Variants in EPHA8 observed in about 807,000 individuals in gnomAD.
EPHA8 encodes ephrin type-A receptor 8.
Under a neutral mutation model 103.6 loss-of-function variants are expected in EPHA8, and 58 were observed. That is an observed-to-expected ratio of 0.56 (90% CI 0.45 to 0.70). The LOEUF (loss-of-function observed/expected upper bound fraction) is 0.70, where lower values mean the gene tolerates loss of function less well. Among genes scored for constraint, EPHA8 ranks in the 30% least tolerant of loss-of-function variants. The probability of loss-of-function intolerance (pLI) is 0.00; values close to 1 mark genes in which losing one functional copy is unlikely to be tolerated. For synonymous variants in EPHA8, 559 were observed against 572.5 expected (o/e 0.98, Z 0.34); for missense variants, 1,304 against 1,395.2 (o/e 0.93, Z 1.04).
intron 2 of EPHA8, among the ~76,000 whole-genome samples, chr1:22,570,316 ACACATGCACACACG>A (rs1307877722): frequency 1.6e-5 from 2 of 121,336 alleles, no homozygotes; most frequent in African/African-American, 4.1e-5. Context: ...GTGCGTGTAC[ACACATGCACACACG>A]CACATGCACA....
chr1:22,595,221 C>G lies in EPHA8; in HGVS notation c.1604-9C>G, dbSNP rs900279301. The G allele has an allele frequency of 3.1e-6, 5 of 1,604,432 alleles. No individual in the cohort carries two copies. In the Middle Eastern group the frequency reaches 5.0e-4, roughly 160 times the overall value. Reference sequence around the variant, plus strand: ...AGCCTGGTCCCCCAACCCTGGCTTTCCCCTGCAGGGCCCCGCTATGACACC... The same window carrying G: ...AGCCTGGTCCCCCAACCCTGGCTTTGCCCTGCAGGGCCCCGCTATGACACC... On this transcript the variant is annotated splice_polypyrimidine_tract_variant and intron_variant, in intron 7 of 16. Transcript: ENST00000166244.
intron 13 of EPHA8, among the ~76,000 whole-genome samples, chr1:22,600,117 AGGAGG>A (rs1641672075): frequency 9.8e-6 from 1 of 101,870 alleles, no homozygotes; most frequent in African/African-American, 4.0e-5. Flanking sequence ...GGAGGAAGGA[AGGAGG>A]GAAGGAGAGA....
In EPHA8 at chr1:22,599,057, C is replaced by T. The variant is rs556407669; in HGVS notation, c.2388+10C>T. On this transcript the variant is annotated intron_variant, in intron 13 of 16. Coordinates refer to ENST00000166244, the MANE Select transcript of EPHA8 (RefSeq NM_020526.5). Reference sequence around the variant, plus strand: ...TGCCTACACCACCACGGTGCGTCGCCCACACTCCTTCCGGCTAGACTGGGG... The same window carrying T: ...TGCCTACACCACCACGGTGCGTCGCTCACACTCCTTCCGGCTAGACTGGGG... 23 of 1,589,436 alleles carry T rather than the reference C, an allele frequency of 1.4e-5. No individual in the cohort carries two copies. In the East Asian group the frequency reaches 2.3e-4, roughly 16 times the overall value.
chr1:22,584,926 C>A (rs1472869043), intron 3 of EPHA8, among the ~76,000 whole-genome samples: 2 of 152,112 alleles, frequency 1.3e-5, no homozygotes, highest in Admixed American at 1.3e-4. Flanking sequence ...GCCTCCCAGT[C>A]TAGAAGGAGA....
In EPHA8 at chr1:22,596,236, C is replaced by T. The variant is rs1641515246; in HGVS notation, c.1765+63C>T. ...GGCCACAGGGGGACCCAGTGCTGGA[C>T]TGGGGGTGGCACAGATGGGAAGGAG... On this transcript the variant is annotated intron_variant, in intron 9 of 16. Transcript: ENST00000166244. The T allele has an allele frequency of 2.0e-6, 3 of 1,519,620 alleles. No homozygotes were observed. The Admixed American group carries it at 5.1e-5, about 26-fold the overall frequency. 94.1% of individuals were successfully genotyped at this position (1,519,620 alleles called of 1,614,324 possible). A position where few individuals can be genotyped will look rare whatever the true frequency, so the allele number is the denominator to read the frequency against.
intron 3 of EPHA8, among the ~76,000 whole-genome samples, chr1:22,583,674 C>T (rs751091358): frequency 6.6e-6 from 1 of 152,262 alleles, no homozygotes; most frequent in Non-Finnish European, 1.5e-5. Flanking sequence ...TGCCATCTCC[C>T]TCTAAGGTGG....
chr1:22,591,570 C>T (rs923432486), intron 5 of EPHA8, among the ~76,000 whole-genome samples: 2 of 152,132 alleles, frequency 1.3e-5, no homozygotes, highest in African/African-American at 2.4e-5. Flanking sequence ...ACAAGCTGTC[C>T]TCAAAGCCCT....
In EPHA8 at chr1:22,602,094, T is replaced by C. The variant is rs1396849073; in HGVS notation, c.*353T>C. The C allele has an allele frequency of 1.2e-5, 5 of 407,206 alleles. No individual in the cohort carries two copies. The highest frequency in any genetic ancestry group is 1.8e-5 in the Non-Finnish European group (4 of 227,890). The allele number at this position is 407,206 out of a possible 1,614,324, so 25.2% of individuals were successfully genotyped here. On this transcript the variant is annotated 3_prime_UTR_variant, in exon 17 of 17. Transcript: ENST00000166244. The stretch of plus-strand genomic sequence containing the variant: ...GGGGTGTTCTCACAAGGTCATGGGA[T>C]CTCATGTGAACAGTGTGTGATCAAG...
chr1:22,599,028 A>C lies in EPHA8; in HGVS notation c.2369A>C (p.Asp790Ala). 1 of 1,607,790 alleles carries C rather than the reference A, an allele frequency of 6.2e-7. No homozygotes were observed. The highest frequency in any genetic ancestry group is 8.5e-7 in the Non-Finnish European group (1 of 1,177,772). Residue 790 changes from aspartate to alanine, a missense_variant, in exon 13 of 17, where the codon GAT (aspartate) becomes GCT (alanine). Asp to Ala is a moderately radical substitution (Grantham distance 126). Transcript: ENST00000166244. Reference sequence around the variant, plus strand: ...TCACGGGTGCTGGAGGACGACCCGGATGCTGCCTACACCACCACGGTGCGT... The same window carrying C: ...TCACGGGTGCTGGAGGACGACCCGGCTGCTGCCTACACCACCACGGTGCGT... Reference protein sequence around the residue: ...GLSRVLEDDPDAAYTTTGGKI... With the variant: ...GLSRVLEDDPAAAYTTTGGKI...
Position 22,602,663 on chromosome 1 carries a change from CCAA to C in EPHA8, c.*924_*926del, listed in dbSNP as rs1641772951. 1 of 152,994 alleles carries C rather than the reference CCAA, an allele frequency of 6.5e-6. No homozygotes were observed. The highest frequency in any genetic ancestry group is 1.5e-5 in the Non-Finnish European group (1 of 68,332). 9.5% of individuals were successfully genotyped at this position (152,994 alleles called of 1,614,324 possible). A position where few individuals can be genotyped will look rare whatever the true frequency, so the allele number is the denominator to read the frequency against. On this transcript the variant is annotated 3_prime_UTR_variant, in exon 17 of 17. Transcript: ENST00000166244. ...GGTCTCCTCACTCAAAGTCCCTTCGCCAACCTTTCAATGCCCAGCCCTGACACC... is the reference window on the plus strand; with the variant it reads ...GGTCTCCTCACTCAAAGTCCCTTCGCCCTTTCAATGCCCAGCCCTGACACC...
Position 22,598,238 on chromosome 1 carries a change from C to G in EPHA8, c.2178+26C>G. ...GTGCGTGTCCCACCCCTGCCTCTTG[C>G]ATGGGCTTGGGGAGGGAGGTCCAGT... On this transcript the variant is annotated intron_variant, in intron 12 of 16. Coordinates refer to ENST00000166244, the MANE Select transcript of EPHA8 (RefSeq NM_020526.5). This position sits in a 1 kb window ranked among gnomAD's most constrained non-coding sequence, Gnocchi z 5.1. 6.2e-7 allele frequency: 1 copy of G among 1,609,862 alleles called. No individual in the cohort carries two copies. Among genetic ancestry groups the G allele is most frequent in the Non-Finnish European group, 8.5e-7 (1 of 1,178,122 alleles).
rs544797559 is a variant in EPHA8, at chr1:22,601,036, G to A, written c.2677G>A (p.Asp893Asn). ...PRFSQIVSVL[D>N]ALIRSPESLR... ...CTTCTCCCAGATTGTCAGTGTCCTC[G>A]ATGCGCTCATCCGCAGCCCTGAGAG... The change falls in exon 15 of 17, where the codon GAT (aspartate) becomes AAT (asparagine). Residue 893 changes from aspartate (D) to asparagine (N), a missense_variant. Transcript: ENST00000166244. 10 of 1,612,598 alleles carry A rather than the reference G, an allele frequency of 6.2e-6. No homozygotes were observed. The highest frequency in any genetic ancestry group is 4.0e-5 in the African/African-American group (3 of 75,034).
At chr1:22,564,500 G>T (rs1369050560) in intron 1 of EPHA8, among the ~76,000 whole-genome samples, 1 of 152,018 alleles carries the variant, frequency 6.6e-6, no homozygotes, top group African/African-American at 2.4e-5. Context: ...AGTCTTGTCA[G>T]AGAAGGCTGG....
Position 22,567,359 on chromosome 1 carries a change from G to A in EPHA8, c.95-1930G>A, listed in dbSNP as rs182092687. Among the ~76,000 whole-genome samples, 6 of 152,314 alleles carry A rather than the reference G, an allele frequency of 3.9e-5. No homozygotes were observed. Among genetic ancestry groups the A allele is most frequent in the African/African-American group, 1.4e-4 (6 of 41,586 alleles). On this transcript the variant is annotated intron_variant, in intron 1 of 16. Coordinates refer to ENST00000166244, the MANE Select transcript of EPHA8 (RefSeq NM_020526.5). The surrounding 1 kb of genome is among the most constrained non-coding windows in gnomAD (Gnocchi z 4.2). Reference sequence around the variant, plus strand: ...CCCCTCCCCCTCCCACCAGCCAGCAGGAGGAGAGAGCTTGCCTGACCCAGT... The same window carrying A: ...CCCCTCCCCCTCCCACCAGCCAGCAAGAGGAGAGAGCTTGCCTGACCCAGT...
chr1:22,593,367 C>A lies in EPHA8; in HGVS notation c.1357C>A (p.Gln453Lys). ...GGTGATCCGTCAAGAGCGGGCGGGG[C>A]AGACCAGCGTCTCGCTGCTGTGGCA... ...VVVIRQERAG[Q>K]TSVSLLWQEP... The change falls in exon 6 of 17, where the codon CAG (glutamine) becomes AAG (lysine). Residue 453 changes from glutamine to lysine, a missense_variant. Coordinates refer to ENST00000166244, the MANE Select transcript of EPHA8 (RefSeq NM_020526.5). 1.3e-6 allele frequency: 2 copies of A among 1,588,150 alleles called. No homozygotes were observed. The highest frequency in any genetic ancestry group is 1.7e-6 in the Non-Finnish European group (2 of 1,167,558).
intron 5 of EPHA8, 106 bp from the exon 6 acceptor site, chr1:22,593,220 C>A (rs1641419200): frequency 6.8e-7 from 1 of 1,462,820 alleles, no homozygotes; most frequent in Non-Finnish European, 9.2e-7. Context: ...CATCAGGAAG[C>A]TGAGCAGGGC....
chr1:22,589,122 T>C lies in EPHA8; in HGVS notation c.1231T>C (p.Trp411Arg). ...NLLAHMNYSFWIEAVNGVSDL... is the reference protein window; with the variant it reads ...NLLAHMNYSFRIEAVNGVSDL... Reference sequence around the variant, plus strand: ...GCTGGCCCACATGAACTACTCCTTCTGGATCGAGGCCGTCAATGGCGTGTC... The same window carrying C: ...GCTGGCCCACATGAACTACTCCTTCCGGATCGAGGCCGTCAATGGCGTGTC... Residue 411 changes from tryptophan to arginine, a missense_variant, in exon 5 of 17, where the codon TGG becomes CGG. Transcript: ENST00000166244. The surrounding 1 kb of genome is among the most constrained non-coding windows in gnomAD (Gnocchi z 4.3). 1.2e-6 allele frequency: 2 copies of C among 1,613,832 alleles called. No homozygotes were observed. The highest frequency in any genetic ancestry group is 1.1e-5 in the South Asian group (1 of 91,068).
rs557024732 is a variant in EPHA8 at position 22,567,076 on chromosome 1, G to A, written c.95-2213G>A. On this transcript the variant is annotated intron_variant, in intron 1 of 16. Transcript: ENST00000166244. The surrounding 1 kb of genome is among the most constrained non-coding windows in gnomAD (Gnocchi z 4.2). ...GTGGGGCTTCCCCCAGGAGGGCAGG[G>A]CCTGGAGAGCGGTGTCTGCAGGCCC... is the stretch of plus-strand genomic sequence containing the variant. 3.9e-5 allele frequency among the ~76,000 whole-genome samples: 6 copies of A among 152,310 alleles called. No individual in the cohort carries two copies. In the South Asian group the frequency reaches 1.2e-3, roughly 32 times the overall value.
At chr1:22,579,135 G>A (rs1335437461) in intron 3 of EPHA8, among the ~76,000 whole-genome samples, 1 of 151,476 alleles carries the variant, frequency 6.6e-6, no homozygotes, top group Non-Finnish European at 1.5e-5. Context: ...GTGTGCATGT[G>A]TGTGTGCATA....
Sources: allele counts gnomAD v4.1 joint callset (sites outside exome capture counted in the v4.1 genomes callset), GRCh38; gene constraint gnomAD v4.1.1; non-coding constraint Gnocchi (gnomAD v3.1); transcripts MANE v1.5; gene names NCBI Gene and HGNC (gene_info 2026-07-23, HGNC 2026-07-21).